The following EGFL6 variants were observed in gnomAD, a reference collection of about 807,000 sequenced individuals.
EGFL6 encodes the protein epidermal growth factor-like protein 6.
Under a neutral mutation model 43.1 loss-of-function variants are expected in EGFL6, and 42 were observed. That is an observed-to-expected ratio of 0.98 (90% CI 0.76 to 1.26). EGFL6 has a LOEUF of 1.26. Among genes scored for constraint, EGFL6 ranks in the 50% most tolerant of loss-of-function variants. The probability of loss-of-function intolerance (pLI) is 0.00; values close to 1 mark genes in which losing one functional copy is unlikely to be tolerated. For synonymous variants in EGFL6, 164 were observed against 163.2 expected (o/e 1.01, Z -0.04); for missense variants, 429 against 427.8 (o/e 1.00, Z -0.02).
chrX:13,576,296 A>C (rs1378715445), intron 1 of EGFL6, among the ~76,000 whole-genome samples: 1 of 110,716 alleles, frequency 9.0e-6, no homozygotes. Context: ...ATACACTTTT[A>C]AACAACCAAA....
intron 1 of EGFL6, among the ~76,000 whole-genome samples, chrX:13,576,232 G>A (rs182882783): frequency 3.7e-4 from 41 of 111,841 alleles, no homozygotes; most frequent in African/African-American, 1.3e-3. Context: ...AGCGGGAGCA[G>A]GTGTCTCACA....
rs1446348498 is a variant in EGFL6 at position 13,633,138 on chromosome X, GT to G, written c.*50del. 6 of 1,089,382 alleles carry G rather than the reference GT, an allele frequency of 5.5e-6. No individual in the cohort carries two copies. The highest frequency in any genetic ancestry group is 6.2e-6 in the Non-Finnish European group (5 of 811,662). 89.8% of individuals were successfully genotyped at this position (1,089,382 alleles called of 1,213,427 possible). ...TTTGACTTTGTATGTCAGTTCCCTG[GT>G]TTTTTTGATATTGCATCATAGGACC... On this transcript the variant is annotated 3_prime_UTR_variant, in exon 12 of 12. Transcript: ENST00000361306.
intron 4 of EGFL6, among the ~76,000 whole-genome samples, 186 bp downstream of exon 4, chrX:13,600,280 C>CTTCTTTTTTTTTTTTTTTTTT (rs1326551826): frequency 1.6e-4 from 7 of 44,280 alleles, no homozygotes; most frequent in Non-Finnish European, 1.9e-4. Flanking sequence ...TTTCTTTCTT[C>CTTCTTTTTTTTTTTTTTTTTT]TTTTTTTTTT....
intron 1 of EGFL6, among the ~76,000 whole-genome samples, chrX:13,576,969 A>G (rs1449012531): frequency 9.0e-6 from 1 of 111,171 alleles, no homozygotes; most frequent in African/African-American, 3.3e-5. Context: ...CCTGTTTTCA[A>G]TGTGAAGGTC....
intron 4 of EGFL6, among the ~76,000 whole-genome samples, chrX:13,600,666 G>A (rs111408580): frequency 1.3e-4 from 14 of 104,909 alleles, no homozygotes; most frequent in African/African-American, 4.9e-4. Flanking sequence ...GGGAGGCTGA[G>A]GCAGGTGGAC....
intron 1 of EGFL6, among the ~76,000 whole-genome samples, chrX:13,578,842 T>C (rs1355775912): frequency 9.1e-6 from 1 of 110,379 alleles, no homozygotes. Context: ...GACGAGTTAA[T>C]GGGTGCAGCA....
intron 9 of EGFL6, among the ~76,000 whole-genome samples, chrX:13,620,219 A>T (rs888507666): frequency 6.3e-5 from 7 of 111,721 alleles, no homozygotes; most frequent in African/African-American, 2.3e-4. Context: ...ACCACTCATG[A>T]CAAATTACAC....
chrX:13,613,099 C>T (rs1037651630), intron 7 of EGFL6, among the ~76,000 whole-genome samples: 5 of 106,540 alleles, frequency 4.7e-5, no homozygotes, highest in Non-Finnish European at 9.6e-5. Context: ...GAGCTGAGAT[C>T]GTACCACTAC....
chrX:13,571,815 A>G (rs1387187829), intron 1 of EGFL6, among the ~76,000 whole-genome samples: 1 of 111,962 alleles, frequency 8.9e-6, no homozygotes, highest in Non-Finnish European at 1.9e-5. Context: ...TCCAGGACCC[A>G]TGTTTAATCA....
At chrX:13,619,067 A>G in intron 8 of EGFL6, 96 bp from the exon 9 acceptor site, 1 of 645,336 alleles carries the variant, frequency 1.5e-6, no homozygotes, top group South Asian at 2.4e-5. Flanking sequence ...ATTAGAATAC[A>G]TGATCTAACC....
rs192975616 is a variant in EGFL6, at chrX:13,587,804, C to A, written c.75-1752C>A. ...AACTTAAGAGAGCAAAGACCAGGCC[C>A]TTTTCGTCACTGTACTCTATGTGCC... On this transcript the variant is annotated intron_variant, in intron 1 of 11. Transcript: ENST00000361306. Among the ~76,000 whole-genome samples the A allele has an allele frequency of 6.2e-5, 7 of 112,103 alleles. No individual in the cohort carries two copies. The East Asian group carries it at 1.9e-3, about 31-fold the overall frequency.
chrX:13,587,361 A>G (rs190121795), intron 1 of EGFL6, among the ~76,000 whole-genome samples: 30 of 112,144 alleles, frequency 2.7e-4, no homozygotes, highest in African/African-American at 9.7e-4. Context: ...TACTGATACA[A>G]AATATTTTAC....
At chrX:13,618,348 A>G (rs2045731015) in intron 8 of EGFL6, among the ~76,000 whole-genome samples, 1 of 112,680 alleles carries the variant, frequency 8.9e-6, no homozygotes, top group African/African-American at 3.2e-5. Flanking sequence ...CTAGTCCTGC[A>G]AGGGCAGTGG....
intron 1 of EGFL6, among the ~76,000 whole-genome samples, chrX:13,572,044 T>A (rs1202576447): frequency 8.9e-6 from 1 of 112,610 alleles, no homozygotes; most frequent in Non-Finnish European, 1.9e-5. Context: ...TTAAATGGTA[T>A]TTAGTGCATA....
rs142288700 is a variant in EGFL6, at chrX:13,594,776, G to A, written c.188-60G>A. 3.1e-3 allele frequency: 3,348 copies of A among 1,086,496 alleles called. 76 individuals are homozygous for A. In the African/African-American group the frequency reaches 0.053, roughly 17 times the overall value. 89.5% of individuals were successfully genotyped at this position (1,086,496 alleles called of 1,213,427 possible). On this transcript the variant is annotated intron_variant, in intron 2 of 11. Transcript: ENST00000361306. ...CACACAGAACGCAGCGAAGTTTTGC[G>A]TGCATTTCACTACACTAACTACTGT...
intron 1 of EGFL6, among the ~76,000 whole-genome samples, chrX:13,576,997 AT>A (rs1347227539): frequency 9.0e-6 from 1 of 111,242 alleles, no homozygotes; most frequent in Non-Finnish European, 1.9e-5. Context: ...TGAAAAAAAA[AT>A]ATAAAAAGTG....
intron 6 of EGFL6, among the ~76,000 whole-genome samples, chrX:13,607,345 A>T (rs1159135176): frequency 9.0e-6 from 1 of 111,411 alleles, no homozygotes; most frequent in Admixed American, 9.5e-5. Flanking sequence ...AAAAAATAGG[A>T]TTTCTTTCAA....
intron 7 of EGFL6, among the ~76,000 whole-genome samples, chrX:13,615,292 GAACATTTGAAACTTCAAAGC>G (rs1180482813): frequency 1.8e-5 from 2 of 112,488 alleles, no homozygotes; most frequent in Non-Finnish European, 3.8e-5. Flanking sequence ...TTTTCAATAG[GAACATTTGAAACTTCAAAGC>G]AGAAACTGAA....
chrX:13,577,666 G>C (rs1385396886), intron 1 of EGFL6, among the ~76,000 whole-genome samples: 1 of 111,180 alleles, frequency 9.0e-6, no homozygotes, highest in East Asian at 2.8e-4. Context: ...TTGCATAAGA[G>C]TAAATGAATG....
Sources: gnomAD v4.1 joint callset for allele counts (sites outside exome capture counted in the v4.1 genomes callset) on GRCh38, gnomAD v4.1.1 for gene constraint, MANE v1.5 for transcripts, NCBI Gene and HGNC (gene_info 2026-07-23, HGNC 2026-07-21) for gene names.